The following UIMC1 variants were observed in gnomAD, a reference collection of about 807,000 sequenced individuals.
UIMC1 encodes the protein BRCA1-A complex subunit RAP80.
UIMC1 carries 42 observed loss-of-function variants against 84.9 expected under a neutral mutation model. That is an observed-to-expected ratio of 0.49 (90% CI 0.39 to 0.64). The LOEUF (loss-of-function observed/expected upper bound fraction) is 0.64. UIMC1 is among the 30% of genes least tolerant of loss of function. UIMC1 has a pLI of 0.00. For synonymous variants in UIMC1, 281 were observed against 293.0 expected (o/e 0.96, Z 0.42); for missense variants, 825 against 847.6 (o/e 0.97, Z 0.33).
chr5:176,975,716 ACAGT>A (rs1727735285), intron 2 of UIMC1, among the ~76,000 whole-genome samples: 1 of 152,242 alleles, frequency 6.6e-6, no homozygotes. Context: ...TGTCATATAA[ACAGT>A]CAGACAAAAA....
At chr5:177,013,024 T>A (rs138920809) in intron 1 of UIMC1, among the ~76,000 whole-genome samples, 12 of 151,164 alleles carry the variant, frequency 7.9e-5, no homozygotes, top group African/African-American at 2.9e-4. Flanking sequence ...AAGGCTGCAA[T>A]GAGCTATGAT....
chr5:176,972,292 C>T (rs1769364062), intron 3 of UIMC1, among the ~76,000 whole-genome samples: 9 of 151,988 alleles, frequency 5.9e-5, no homozygotes, highest in Admixed American at 5.2e-4. Context: ...GTCCCAGCTA[C>T]TCACGAGGCT....
At position 176,998,707 on chromosome 5, in the gene UIMC1, C is replaced by T. The variant is rs188082445; in HGVS notation, c.-9+7943G>A. Among the ~76,000 whole-genome samples the T allele has an allele frequency of 9.2e-3, 1,391 of 151,696 alleles. 8 individuals carry two copies. Among genetic ancestry groups the T allele is most frequent in the South Asian group, 0.025 (121 of 4,814 alleles). ...GCTTGAACCCGGGCGGTGGAGGTTG[C>T]GGTGAGCCAAGATCATGCCATTGCA... is the stretch of plus-strand genomic sequence containing the variant. On this transcript the variant is annotated intron_variant, in intron 1 of 14. Coordinates refer to ENST00000511320, the MANE Select transcript of UIMC1 (RefSeq NM_001199298.2).
intron 10 of UIMC1, among the ~76,000 whole-genome samples, chr5:176,926,257 G>T (rs1762374652): frequency 6.6e-6 from 1 of 151,962 alleles, no homozygotes; most frequent in South Asian, 2.1e-4. Context: ...AATGTGGATT[G>T]TATACTAGAT....
intron 10 of UIMC1, among the ~76,000 whole-genome samples, chr5:176,928,709 T>C (rs1280142512): frequency 6.6e-6 from 1 of 152,158 alleles, no homozygotes; most frequent in African/African-American, 2.4e-5. Context: ...CCCAGCACTT[T>C]GGGAGGCTGA....
Position 176,987,522 on chromosome 5 carries a change from G to A in UIMC1, c.-8-4899C>T, listed in dbSNP as rs927941672. On this transcript the variant is annotated intron_variant, in intron 1 of 14. Transcript: ENST00000511320. ...AAAAAAACTAGCCAGGCATGGTGGT[G>A]CACACAGGTAGTCCCAGCTACTCAG... Among the ~76,000 whole-genome samples the A allele has an allele frequency of 1.3e-5, 2 of 151,850 alleles. 1 individual carries two copies. Among genetic ancestry groups the A allele is most frequent in the African/African-American group, 4.8e-5 (2 of 41,310 alleles).
intron 10 of UIMC1, among the ~76,000 whole-genome samples, chr5:176,939,051 A>G (rs1437238976): frequency 6.6e-6 from 1 of 151,858 alleles, no homozygotes; most frequent in Non-Finnish European, 1.5e-5. Context: ...CCAGGAGTTC[A>G]AGACCAGCCT....
chr5:176,949,602 C>A (rs760998226), intron 9 of UIMC1, among the ~76,000 whole-genome samples: 7 of 152,182 alleles, frequency 4.6e-5, no homozygotes, highest in Non-Finnish European at 1.0e-4. Context: ...GGAGTGTCAT[C>A]ATCTTTCCTA....
intron 10 of UIMC1, among the ~76,000 whole-genome samples, chr5:176,942,745 TAAA>T (rs1044619072): frequency 1.3e-5 from 1 of 76,136 alleles, no homozygotes; most frequent in Admixed American, 1.5e-4. Flanking sequence ...GACTCCGTCT[TAAA>T]AAAAAAAAAA....
At position 176,991,157 on chromosome 5, in the gene UIMC1, G is replaced by A. The variant is rs545049558; in HGVS notation, c.-8-8534C>T. ...TGAGTAGCTGGGATTACAGGCGCCC[G>A]CCACCACGCCCGGCTAATTTTTTTT... On this transcript the variant is annotated intron_variant, in intron 1 of 14. Coordinates refer to ENST00000511320, the MANE Select transcript of UIMC1 (RefSeq NM_001199298.2). Among the ~76,000 whole-genome samples the A allele has an allele frequency of 3.6e-4, 54 of 151,760 alleles. No homozygotes were observed. The South Asian group carries it at 3.8e-3, about 11-fold the overall frequency.
intron 1 of UIMC1, among the ~76,000 whole-genome samples, chr5:177,013,361 A>AACACAC (rs6149367): frequency 0.044 from 6,065 of 137,698 alleles, 169 homozygotes; most frequent in African/African-American, 0.072. Context: ...ACTGCATCCA[A>AACACAC]ACACACACAC....
chr5:176,972,813 A>G (rs1769459419), intron 3 of UIMC1, among the ~76,000 whole-genome samples: 2 of 152,176 alleles, frequency 1.3e-5, no homozygotes, highest in African/African-American at 4.8e-5. Context: ...AACAATTAAC[A>G]ATACCGACAA....
rs955400615 is a variant in UIMC1, at chr5:176,987,527, C to CA, written c.-8-4905dup. On this transcript the variant is annotated intron_variant, in intron 1 of 14. Transcript: ENST00000511320. The stretch of plus-strand genomic sequence containing the variant: ...AACTAGCCAGGCATGGTGGTGCACA[C>CA]AGGTAGTCCCAGCTACTCAGGAGGC... Among the ~76,000 whole-genome samples, 246 of 152,128 alleles carry CA rather than the reference C, an allele frequency of 1.6e-3. 1 individual carries two copies. The highest frequency in any genetic ancestry group is 5.7e-3 in the African/African-American group (236 of 41,484).
intron 9 of UIMC1, 146 bp from the exon 10 acceptor site, chr5:176,943,634 A>G: frequency 2.0e-6 from 2 of 1,007,920 alleles, no homozygotes; most frequent in South Asian, 3.2e-5. Context: ...ATTGAGAGAT[A>G]CTACTGATAG....
At chr5:176,994,840 T>A (rs1437160025) in intron 1 of UIMC1, among the ~76,000 whole-genome samples, 2 of 152,156 alleles carry the variant, frequency 1.3e-5, no homozygotes, top group Non-Finnish European at 2.9e-5. Flanking sequence ...TAGCTTGTGA[T>A]CATGCAGCTG....
At chr5:176,965,859 G>A (rs914241818) in intron 6 of UIMC1, among the ~76,000 whole-genome samples, 4 of 152,164 alleles carry the variant, frequency 2.6e-5, no homozygotes, top group Non-Finnish European at 4.4e-5. Context: ...TCTGGCCCCT[G>A]GGATCTTGCA....
At chr5:177,009,563 C>G (rs1360011271), upstream of UIMC1, among the ~76,000 whole-genome samples, 1 of 151,980 alleles carries the variant, frequency 6.6e-6, no homozygotes, top group Non-Finnish European at 1.5e-5. The surrounding 1 kb of genome is among the most constrained non-coding windows in gnomAD (Gnocchi z 4.3). Flanking sequence ...AACTAAATGT[C>G]CATCATAAGA....
At chr5:176,969,799 C>A in intron 4 of UIMC1, 93 bp from the exon 5 acceptor site, 1 of 990,746 alleles carries the variant, frequency 1.0e-6, no homozygotes, top group South Asian at 1.5e-5. Flanking sequence ...GGCCACCGTT[C>A]ATAAGACTTT....
intron 2 of UIMC1, among the ~76,000 whole-genome samples, chr5:176,975,818 C>T (rs758132874): frequency 1.3e-5 from 2 of 152,098 alleles, no homozygotes; most frequent in Non-Finnish European, 2.9e-5. Flanking sequence ...AATGTTTAAA[C>T]TCAGCGTGTA....
Sources: gnomAD v4.1 joint callset for allele counts (sites outside exome capture counted in the v4.1 genomes callset) on GRCh38, gnomAD v4.1.1 for gene constraint, Gnocchi (gnomAD v3.1) non-coding constraint, MANE v1.5 for transcripts, NCBI Gene and HGNC (gene_info 2026-07-23, HGNC 2026-07-21) for gene names.